The following TMEM233 variants were observed in gnomAD, a reference collection of about 807,000 sequenced individuals.
TMEM233 encodes the protein dispanin subfamily B member 2.
A neutral mutation model predicts 11.2 loss-of-function variants in TMEM233; 6 were observed. The ratio of observed to expected loss-of-function variants is 0.54; its 90% CI spans 0.29 to 1.06. The LOEUF (loss-of-function observed/expected upper bound fraction) is 1.06. Ranked by LOEUF, TMEM233 falls within the 50% of genes least tolerant of loss-of-function variation. The pLI, the probability that TMEM233 is intolerant of heterozygous loss-of-function variation, is 0.08. For synonymous variants in TMEM233, 59 were observed against 55.8 expected (o/e 1.06, Z -0.26); for missense variants, 127 against 144.7 (o/e 0.88, Z 0.63).
intron 1 of TMEM233, among the ~76,000 whole-genome samples, chr12:119,597,954 C>T (rs2136668897): frequency 6.6e-6 from 1 of 152,272 alleles, no homozygotes; most frequent in South Asian, 2.1e-4. Context: ...AGCCCTCCAC[C>T]AGGGCACATA....
chr12:119,641,386 C>T lies in TMEM233; in HGVS notation c.*681C>T, dbSNP rs1316532299. On this transcript the variant is annotated 3_prime_UTR_variant, in exon 3 of 3. Transcript: ENST00000426426. ...TGGTCAACTTGACCAAAACCTCACT[C>T]TTCACTCAAACAGGCTCTGAGAATG... The T allele has an allele frequency of 6.6e-6, 1 of 152,294 alleles. No homozygotes were observed. The highest frequency in any genetic ancestry group is 2.4e-5 in the African/African-American group (1 of 41,538). 9.4% of individuals were successfully genotyped at this position (152,294 alleles called of 1,614,324 possible).
downstream of TMEM233, among the ~76,000 whole-genome samples, chr12:119,644,301 A>G (rs1042682043): frequency 6.6e-6 from 1 of 152,076 alleles, no homozygotes; most frequent in African/African-American, 2.4e-5. Flanking sequence ...GGGTGCGGGA[A>G]GGATGGTTCC....
At chr12:119,609,959 G>T (rs924295825) in intron 1 of TMEM233, among the ~76,000 whole-genome samples, 3 of 152,194 alleles carry the variant, frequency 2.0e-5, no homozygotes, top group African/African-American at 7.2e-5. Context: ...CAGAATGGTA[G>T]ATCCATCAAT....
At chr12:119,633,861 GT>G (rs1246797910) in intron 2 of TMEM233, among the ~76,000 whole-genome samples, 1 of 152,150 alleles carries the variant, frequency 6.6e-6, no homozygotes, top group Non-Finnish European at 1.5e-5. Flanking sequence ...CTCCATAAGA[GT>G]TACCTGGAGA....
At chr12:119,628,549 G>T (rs1954809587) in intron 1 of TMEM233, among the ~76,000 whole-genome samples, 1 of 132,942 alleles carries the variant, frequency 7.5e-6, no homozygotes, top group African/African-American at 2.9e-5. Flanking sequence ...GCCCAGGCTG[G>T]AGTGCAGTGG....
At chr12:119,640,144 T>TTTG (rs1955053930) in intron 2 of TMEM233, among the ~76,000 whole-genome samples, 1 of 102,322 alleles carries the variant, frequency 9.8e-6, no homozygotes, top group East Asian at 2.5e-4. Context: ...CCGCATTTTG[T>TTTG]TTGTTGTTGT....
chr12:119,621,088 C>T (rs1954632487), intron 1 of TMEM233, among the ~76,000 whole-genome samples: 1 of 148,724 alleles, frequency 6.7e-6, no homozygotes, highest in East Asian at 2.1e-4. Context: ...TTCTCTATCA[C>T]TCAGGCTGGA....
Position 119,622,992 on chromosome 12 carries a change from G to T in TMEM233, c.187-6744G>T, listed in dbSNP as rs1003791570. Among the ~76,000 whole-genome samples, 10 of 152,298 alleles carry T rather than the reference G, an allele frequency of 6.6e-5. No individual in the cohort carries two copies. In the South Asian group the frequency reaches 2.1e-3, roughly 32 times the overall value. Reference sequence around the variant, plus strand: ...CAGAGTGGCAGCAGGTGATGAACGTGGGGCAGGATTCACCTGTGGCTTGCA... The same window carrying T: ...CAGAGTGGCAGCAGGTGATGAACGTTGGGCAGGATTCACCTGTGGCTTGCA... On this transcript the variant is annotated intron_variant, in intron 1 of 2. Coordinates refer to ENST00000426426, the MANE Select transcript of TMEM233 (RefSeq NM_001136534.3).
Position 119,595,306 on chromosome 12 carries a change from A to C in TMEM233, c.186+1272A>C, listed in dbSNP as rs904531495. Among the ~76,000 whole-genome samples the C allele has an allele frequency of 3.9e-5, 6 of 152,216 alleles. No individual in the cohort carries two copies. Among genetic ancestry groups the C allele is most frequent in the Non-Finnish European group, 8.8e-5 (6 of 68,038 alleles). ...CTGGGCCACGGAACTCCCCGGCCACAGACGCAGAGCCCTGATTCAGCGCTG... is the reference window on the plus strand; with the variant it reads ...CTGGGCCACGGAACTCCCCGGCCACCGACGCAGAGCCCTGATTCAGCGCTG... On this transcript the variant is annotated intron_variant, in intron 1 of 2. Coordinates refer to ENST00000426426, the MANE Select transcript of TMEM233 (RefSeq NM_001136534.3). This position sits in a 1 kb window ranked among gnomAD's most constrained non-coding sequence, Gnocchi z 4.3.
chr12:119,629,704 G>A, intron 1 of TMEM233, 32 bp from the exon 2 acceptor site: 3 of 1,538,474 alleles, frequency 1.9e-6, no homozygotes, highest in Non-Finnish European at 2.6e-6. Flanking sequence ...TGGGTTATCT[G>A]TCATCACCAG....
chr12:119,597,634 TTC>T (rs1467245272), intron 1 of TMEM233, among the ~76,000 whole-genome samples: 1 of 152,158 alleles, frequency 6.6e-6, no homozygotes, highest in Non-Finnish European at 1.5e-5. Flanking sequence ...AGTGGTGGAT[TTC>T]TGTGTTCTTT....
In TMEM233 at chr12:119,595,701, T is replaced by C. The variant is rs928059523; in HGVS notation, c.186+1667T>C. 6.6e-6 allele frequency among the ~76,000 whole-genome samples: 1 copy of C among 152,194 alleles called. No individual in the cohort carries two copies. Among genetic ancestry groups the C allele is most frequent in the African/African-American group, 2.4e-5 (1 of 41,450 alleles). ...AGAACAGTGACCAGCACGGTATCTT[T>C]ACAAAATCTTTACTCAAATGTCACT... On this transcript the variant is annotated intron_variant, in intron 1 of 2. Coordinates refer to ENST00000426426, the MANE Select transcript of TMEM233 (RefSeq NM_001136534.3). This position sits in a 1 kb window ranked among gnomAD's most constrained non-coding sequence, Gnocchi z 4.3.
rs147991893 is a variant in TMEM233, at chr12:119,640,746, C to A, written c.*41C>A. ...TGGGCTGTGAGCGTGGAGGATGGAC[C>A]TCATCCACACACACCCCAAAGGAGT... On this transcript the variant is annotated 3_prime_UTR_variant, in exon 3 of 3. Transcript: ENST00000426426. 6,053 of 1,549,316 alleles carry A rather than the reference C, an allele frequency of 3.9e-3. 19 individuals are homozygous for A. Among genetic ancestry groups the A allele is most frequent in the Non-Finnish European group, 4.4e-3 (5,040 of 1,145,754 alleles).
chr12:119,601,657 CAAAA>C (rs34870019), intron 1 of TMEM233, among the ~76,000 whole-genome samples: 7 of 90,460 alleles, frequency 7.7e-5, no homozygotes, highest in Admixed American at 4.7e-4. Flanking sequence ...GATTCCGCCT[CAAAA>C]AAAAAAAAAA....
intron 1 of TMEM233, among the ~76,000 whole-genome samples, chr12:119,598,382 A>C (rs1335905901): frequency 6.6e-6 from 1 of 152,218 alleles, no homozygotes; most frequent in Admixed American, 6.5e-5. Flanking sequence ...TGCAAAACTG[A>C]ACCAACTGGT....
chr12:119,599,525 CTT>C (rs1436189054), intron 1 of TMEM233, among the ~76,000 whole-genome samples: 1 of 152,144 alleles, frequency 6.6e-6, no homozygotes, highest in African/African-American at 2.4e-5. Flanking sequence ...GTGACAAAAT[CTT>C]AGACGATGGA....
chr12:119,598,323 C>T lies in TMEM233; in HGVS notation c.186+4289C>T, dbSNP rs926304142. On this transcript the variant is annotated intron_variant, in intron 1 of 2. Transcript: ENST00000426426. ...GGAATTTGCTACCTGACTCAGAAGA[C>T]GAGTTTGTGCCCACCCTCAATTCTT... Among the ~76,000 whole-genome samples, 8 of 152,322 alleles carry T rather than the reference C, an allele frequency of 5.3e-5. No individual in the cohort carries two copies. The East Asian group carries it at 7.7e-4, about 15-fold the overall frequency.
At chr12:119,622,772 C>T (rs968643612) in intron 1 of TMEM233, among the ~76,000 whole-genome samples, 4 of 152,128 alleles carry the variant, frequency 2.6e-5, no homozygotes, top group East Asian at 1.9e-4. Context: ...CAGATCTACC[C>T]GTGGGCAGCC....
At chr12:119,653,895 A>G in the TMEM233 span, among the ~76,000 whole-genome samples, 2 of 152,012 alleles carry the variant, frequency 1.3e-5, no homozygotes, top group East Asian at 3.8e-4. Flanking sequence ...GGAGCATTTA[A>G]AAAGTTTGCT....
Sources: allele counts gnomAD v4.1 joint callset (sites outside exome capture counted in the v4.1 genomes callset), GRCh38; gene constraint gnomAD v4.1.1; non-coding constraint Gnocchi (gnomAD v3.1); transcripts MANE v1.5; gene names NCBI Gene and HGNC (gene_info 2026-07-23, HGNC 2026-07-21).